CDH13: variants seen among roughly 807,000 people sequenced by gnomAD.
The protein encoded by CDH13 is cadherin-13.
In CDH13, 24 loss-of-function variants were observed where a neutral mutation model predicts 63.8. The ratio of observed to expected loss-of-function variants is 0.38; its 90% CI spans 0.27 to 0.53. The LOEUF (loss-of-function observed/expected upper bound fraction) is 0.53. Among genes scored for constraint, CDH13 ranks in the 20% least tolerant of loss-of-function variants. CDH13 has a pLI of 0.85. For missense variants in CDH13, 1,049 were observed against 903.1 expected (o/e 1.16, Z -2.07); for synonymous variants, 503 against 355.3 (o/e 1.42, Z -4.67).
intron 3 of CDH13, among the ~76,000 whole-genome samples, chr16:83,038,255 T>G (rs1306951747): frequency 3.3e-5 from 5 of 152,232 alleles, no homozygotes. Flanking sequence ...TATTTTTACC[T>G]GCTACTTATG....
chr16:83,129,450 C>T (rs147841496), intron 4 of CDH13, among the ~76,000 whole-genome samples: 162 of 152,162 alleles, frequency 1.1e-3, no homozygotes, highest in Non-Finnish European at 1.8e-3. Context: ...AAGGGAGAGA[C>T]GTGGAGAAGG....
intron 5 of CDH13, among the ~76,000 whole-genome samples, chr16:83,218,370 C>T (rs994323263): frequency 3.9e-5 from 6 of 152,122 alleles, no homozygotes; most frequent in Admixed American, 3.9e-4. Flanking sequence ...ATGTCCATCT[C>T]GGAAGCCTTG....
chr16:82,679,586 C>A (rs989723055), intron 1 of CDH13, among the ~76,000 whole-genome samples: 1 of 152,174 alleles, frequency 6.6e-6, no homozygotes, highest in South Asian at 2.1e-4. Context: ...TGAACTCACT[C>A]ACGCTCCTGC....
At chr16:83,251,022 C>A (rs775495186) in intron 5 of CDH13, among the ~76,000 whole-genome samples, 2 of 151,846 alleles carry the variant, frequency 1.3e-5, no homozygotes, top group African/African-American at 4.8e-5. Context: ...TGCTCCTCAT[C>A]CCCCAGCCAA....
intron 10 of CDH13, chr16:83,717,793 C>T (rs769194412): frequency 1.2e-4 from 19 of 152,238 alleles, no homozygotes; most frequent in Non-Finnish European, 2.4e-4. Context: ...AGAGGCAGCT[C>T]TTTAAAATCT....
chr16:82,918,287 T>C (rs1359915550), intron 2 of CDH13, among the ~76,000 whole-genome samples: 1 of 152,158 alleles, frequency 6.6e-6, no homozygotes, highest in Non-Finnish European at 1.5e-5. Flanking sequence ...TTCACACCTA[T>C]GAAACTAGAT....
chr16:83,502,287 G>A (rs947199967), intron 7 of CDH13, among the ~76,000 whole-genome samples: 13 of 152,174 alleles, frequency 8.5e-5, no homozygotes, highest in African/African-American at 3.1e-4. Flanking sequence ...GGTGGGAATG[G>A]CTGGGTTGGA....
At chr16:83,188,589 C>T (rs929258358) in intron 4 of CDH13, among the ~76,000 whole-genome samples, 2 of 152,162 alleles carry the variant, frequency 1.3e-5, no homozygotes, top group Admixed American at 1.3e-4. Context: ...ATGGTCCTGG[C>T]TCCCAAACCT....
chr16:82,890,437 T>G (rs1206194031), intron 2 of CDH13, among the ~76,000 whole-genome samples: 1 of 152,136 alleles, frequency 6.6e-6, no homozygotes, highest in Non-Finnish European at 1.5e-5. Context: ...TAAAAACGAT[T>G]CCTTTGCTAG....
chr16:82,674,028 G>A (rs192896400), intron 1 of CDH13, among the ~76,000 whole-genome samples: 1 of 152,190 alleles, frequency 6.6e-6, no homozygotes, highest in African/African-American at 2.4e-5. Flanking sequence ...CTCGAAGAAG[G>A]GGAACAGAGC....
chr16:83,694,583 A>T (rs1307284191), intron 10 of CDH13, among the ~76,000 whole-genome samples: 1 of 152,226 alleles, frequency 6.6e-6, no homozygotes, highest in African/African-American at 2.4e-5. Context: ...ATGAGGTGAG[A>T]GGTAAACATT....
chr16:83,270,393 G>C (rs749889920), intron 5 of CDH13, among the ~76,000 whole-genome samples: 2 of 152,174 alleles, frequency 1.3e-5, no homozygotes, highest in Non-Finnish European at 2.9e-5. Flanking sequence ...GAGGAAATAC[G>C]GTTTGTTTTT....
intron 3 of CDH13, among the ~76,000 whole-genome samples, chr16:83,113,131 C>T (rs932685208): frequency 2.6e-5 from 4 of 152,148 alleles, no homozygotes; most frequent in Admixed American, 6.5e-5. Flanking sequence ...AAGACACCTG[C>T]GGTAGATTCT....
chr16:83,231,073 C>A (rs2039988112), intron 5 of CDH13, among the ~76,000 whole-genome samples: 1 of 152,186 alleles, frequency 6.6e-6, no homozygotes, highest in African/African-American at 2.4e-5. Context: ...CAGAGCAAGA[C>A]CTGGTGCTAG....
intron 5 of CDH13, among the ~76,000 whole-genome samples, chr16:83,344,659 C>T (rs1298198465): frequency 6.6e-6 from 1 of 152,176 alleles, no homozygotes; most frequent in Non-Finnish European, 1.5e-5. Flanking sequence ...CAAGGGGGAT[C>T]TAAAGTGAAC....
intron 2 of CDH13, among the ~76,000 whole-genome samples, chr16:82,972,830 A>G (rs572908316): frequency 6.6e-6 from 1 of 152,298 alleles, no homozygotes; most frequent in South Asian, 2.1e-4. Flanking sequence ...TGTACAAAAT[A>G]TCTGCTGCAG....
At chr16:83,040,107 G>A (rs1917207589) in intron 3 of CDH13, among the ~76,000 whole-genome samples, 1 of 151,682 alleles carries the variant, frequency 6.6e-6, no homozygotes, top group Non-Finnish European at 1.5e-5. Flanking sequence ...AGATCACTCT[G>A]GGGCCAGACC....
intron 1 of CDH13, among the ~76,000 whole-genome samples, chr16:82,710,706 AT>A (rs1289764834): frequency 9.6e-5 from 14 of 146,280 alleles, no homozygotes; most frequent in African/African-American, 3.5e-4. Flanking sequence ...TTATAAATGT[AT>A]TTTATATATT....
intron 3 of CDH13, among the ~76,000 whole-genome samples, chr16:83,043,830 C>CA (rs11342221): frequency 0.06 from 8,114 of 134,424 alleles, 622 homozygotes; most frequent in African/African-American, 0.19. Flanking sequence ...GACTCTATCT[C>CA]AAAAAAAAAA....
Sources: gnomAD v4.1 joint callset for allele counts (sites outside exome capture counted in the v4.1 genomes callset) on GRCh38, gnomAD v4.1.1 for gene constraint, MANE v1.5 for transcripts, NCBI Gene and HGNC (gene_info 2026-07-23, HGNC 2026-07-21) for gene names.